The following RAPGEFL1 variants were observed in gnomAD, a reference collection of about 807,000 sequenced individuals.
RAPGEFL1 encodes the protein rap guanine nucleotide exchange factor-like 1.
RAPGEFL1 carries 31 observed loss-of-function variants against 64.4 expected under a neutral mutation model. That is an observed-to-expected ratio of 0.48 (90% CI 0.36 to 0.65). The LOEUF is 0.65. RAPGEFL1 is among the 30% of genes least tolerant of loss of function. The pLI is 0.00. For synonymous variants in RAPGEFL1, 331 were observed against 274.1 expected, an observed-to-expected ratio of 1.21 and a Z score of -2.05; for missense variants, 682 against 677.4, an observed-to-expected ratio of 1.01 and a Z score of -0.08.
In RAPGEFL1 at chr17:40,191,736, C is replaced by T; in HGVS notation, c.1605+64C>T. ...CATCCCGGGCTCCCCGAAGTGCGTC[C>T]TCCCGGGACGGCCGCCGGCCTGGAG... On this transcript the variant is annotated intron_variant, in intron 10 of 14. Coordinates refer to ENST00000620260, the MANE Select transcript of RAPGEFL1 (RefSeq NM_016339.6). The surrounding 1 kb of genome is among the most constrained non-coding windows in gnomAD (Gnocchi z 5.1). 1.3e-6 allele frequency: 2 copies of T among 1,508,578 alleles called. No individual in the cohort carries two copies. The highest frequency in any genetic ancestry group is 1.8e-6 in the Non-Finnish European group (2 of 1,103,358). 93.4% of individuals were successfully genotyped at this position (1,508,578 alleles called of 1,614,324 possible).
intron 14 of RAPGEFL1, 23 bp from the exon 15 acceptor site, chr17:40,193,641 G>C: frequency 6.2e-7 from 1 of 1,613,944 alleles, no homozygotes. Flanking sequence ...GAACCTGACT[G>C]CCTCTCCCTC....
Position 40,191,322 on chromosome 17 carries a change from T to G in RAPGEFL1, c.1342T>G (p.Phe448Val), listed in dbSNP as rs749072821. 6.3e-7 allele frequency: 1 copy of G among 1,579,872 alleles called. No homozygotes were observed. The highest frequency in any genetic ancestry group is 1.8e-5 in the Admixed American group (1 of 56,404). ...TCCGCTGCCGTGGGTGCAGCTGGAG[T>G]TCGTGGACTACGTGTTCCACGGGGA... The part of the protein sequence containing the change: ...ELFRCVHELE[F>V]VDYVFHGERG... The change falls in exon 9 of 15, where the codon TTC becomes GTC. Residue 448 changes from phenylalanine (F) to valine (V), a missense_variant. Coordinates refer to ENST00000620260, the MANE Select transcript of RAPGEFL1 (RefSeq NM_016339.6). This position sits in a 1 kb window ranked among gnomAD's most constrained non-coding sequence, Gnocchi z 5.1.
upstream of RAPGEFL1, chr17:40,177,100 G>T (rs1989730974): frequency 2.8e-6 from 2 of 702,580 alleles, no homozygotes; most frequent in Non-Finnish European, 2.6e-6. Context: ...CTCACAGAAG[G>T]AAGATAAACT....
At chr17:40,189,060 C>A in intron 5 of RAPGEFL1, 82 bp downstream of exon 5, 1 of 1,477,902 alleles carries the variant, frequency 6.8e-7, no homozygotes, top group Non-Finnish European at 9.4e-7. Flanking sequence ...CCCTCAGTGG[C>A]ATCTCCCTGG....
intron 14 of RAPGEFL1, 55 bp from the exon 15 acceptor site, chr17:40,193,609 G>A (rs1429825551): frequency 2.5e-6 from 4 of 1,613,350 alleles, no homozygotes; most frequent in Non-Finnish European, 3.4e-6. Context: ...CGGTGTGTGT[G>A]TAGAGGAAGA....
rs759548606 is a variant in RAPGEFL1 at position 40,193,385 on chromosome 17, G to A, written c.1832G>A (p.Arg611Lys). 2 of 1,614,208 alleles carry A rather than the reference G, an allele frequency of 1.2e-6. No homozygotes were observed. Among genetic ancestry groups the A allele is most frequent in the East Asian group, 2.2e-5 (1 of 44,890 alleles). The change falls in exon 14 of 15, where the codon AGG becomes AAG. Residue 611 changes from arginine to lysine, a missense_variant. Arg to Lys is a conservative substitution (Grantham distance 26, BLOSUM62 2). Coordinates refer to ENST00000620260, the MANE Select transcript of RAPGEFL1 (RefSeq NM_016339.6). ...CAGCATTCAGTGGCCGAAAAAGTGA[G>A]GACAATCCGCAAATACCGGAGCCGG... Reference protein sequence around the residue: ...EKLHSVAEKVRTIRKYRSRPL... With the variant: ...EKLHSVAEKVKTIRKYRSRPL...
At position 40,194,248 on chromosome 17, in the gene RAPGEFL1, T is replaced by TGTGTGC. The variant is rs1990384729; in HGVS notation, c.*465_*466insCGTGTG. The stretch of plus-strand genomic sequence containing the variant: ...TTATGTTGCCGTGTGTGTGTGTGTG[T>TGTGTGC]GTGTGTGTGTGTGTGTGTGTGTGTG... On this transcript the variant is annotated 3_prime_UTR_variant, in exon 15 of 15. Transcript: ENST00000620260. 6.9e-6 allele frequency: 1 copy of TGTGTGC among 145,548 alleles called. No homozygotes were observed. Among genetic ancestry groups the TGTGTGC allele is most frequent in the African/African-American group, 2.8e-5 (1 of 36,288 alleles). 9.0% of individuals were successfully genotyped at this position (145,548 alleles called of 1,614,324 possible).
At chr17:40,179,287 C>A (rs956281865) in intron 1 of RAPGEFL1, among the ~76,000 whole-genome samples, 1 of 152,132 alleles carries the variant, frequency 6.6e-6, no homozygotes, top group Non-Finnish European at 1.5e-5. Flanking sequence ...AGGATGGTCT[C>A]GAACTCCTGA....
chr17:40,189,054 C>T, intron 5 of RAPGEFL1, 76 bp downstream of exon 5: 1 of 1,479,990 alleles, frequency 6.8e-7, no homozygotes, highest in South Asian at 1.1e-5. Context: ...TGAGCACCCT[C>T]AGTGGCATCT....
intron 4 of RAPGEFL1, among the ~76,000 whole-genome samples, chr17:40,188,295 T>C (rs548148357): frequency 6.6e-6 from 1 of 152,224 alleles, no homozygotes; most frequent in South Asian, 2.1e-4. Flanking sequence ...AGATCTTCCT[T>C]TTAGGAATAG....
Position 40,177,534 on chromosome 17 carries a change from T to G in RAPGEFL1, c.-328T>G. ...CCGCCGCCGCCGCGTCCTCTCAGCCTTGCGCTCCGCCCGCTGCCTCTGCCG... is the reference window on the plus strand; with the variant it reads ...CCGCCGCCGCCGCGTCCTCTCAGCCGTGCGCTCCGCCCGCTGCCTCTGCCG... On this transcript the variant is annotated 5_prime_UTR_variant, in exon 1 of 15. Coordinates refer to ENST00000620260, the MANE Select transcript of RAPGEFL1 (RefSeq NM_016339.6). The G allele has an allele frequency of 1.8e-6, 1 of 544,930 alleles. No individual in the cohort carries two copies. Among genetic ancestry groups the G allele is most frequent in the Non-Finnish European group, 3.2e-6 (1 of 310,786 alleles). 33.8% of individuals were successfully genotyped at this position (544,930 alleles called of 1,614,324 possible).
chr17:40,177,546 C>G lies in RAPGEFL1; in HGVS notation c.-316C>G, dbSNP rs1989747924. On this transcript the variant is annotated 5_prime_UTR_variant, in exon 1 of 15. Transcript: ENST00000620260. ...CGTCCTCTCAGCCTTGCGCTCCGCC[C>G]GCTGCCTCTGCCGCCGCAGCGCAGA... 2 of 520,822 alleles carry G rather than the reference C, an allele frequency of 3.8e-6. No individual in the cohort carries two copies. Among genetic ancestry groups the G allele is most frequent in the Non-Finnish European group, 6.7e-6 (2 of 298,396 alleles). The allele number at this position is 520,822 out of a possible 1,614,324, so 32.3% of individuals were successfully genotyped here.
In RAPGEFL1 at chr17:40,191,316, C is replaced by T; in HGVS notation, c.1336C>T (p.Leu446=). 1 of 1,576,452 alleles carries T rather than the reference C, an allele frequency of 6.3e-7. No individual in the cohort carries two copies. The highest frequency in any genetic ancestry group is 8.5e-7 in the Non-Finnish European group (1 of 1,170,584). Residue 446 remains leucine, a splice_region_variant and synonymous_variant, in exon 9 of 15, where the codon CTG becomes TTG. Coordinates refer to ENST00000620260, the MANE Select transcript of RAPGEFL1 (RefSeq NM_016339.6). The surrounding 1 kb of genome is among the most constrained non-coding windows in gnomAD (Gnocchi z 5.1). ...CGCCCCTCCGCTGCCGTGGGTGCAG[C>T]TGGAGTTCGTGGACTACGTGTTCCA... is the stretch of plus-strand genomic sequence containing the variant. ...HWELFRCVHE[L]EFVDYVFHGE...
At chr17:40,192,549 C>A in intron 11 of RAPGEFL1, 57 bp from the exon 12 acceptor site, 1 of 1,423,648 alleles carries the variant, frequency 7.0e-7, no homozygotes, top group South Asian at 1.2e-5. Flanking sequence ...AAGCTGAGGA[C>A]ATCTTTGGGA....
chr17:40,193,694 T>G lies in RAPGEFL1; in HGVS notation c.1895T>G (p.Leu632Arg). The G allele has an allele frequency of 1.2e-6, 2 of 1,614,084 alleles. No individual in the cohort carries two copies. The highest frequency in any genetic ancestry group is 1.7e-6 in the Non-Finnish European group (2 of 1,180,014). Residue 632 changes from leucine (L) to arginine (R), a missense_variant, in exon 15 of 15, where the codon CTG (leucine) becomes CGG (arginine). By Grantham distance (102) the Leu-to-Arg change is moderately radical (BLOSUM62 -2). Coordinates refer to ENST00000620260, the MANE Select transcript of RAPGEFL1 (RefSeq NM_016339.6). Reference protein sequence around the residue: ...CLDMEASPNHLQTKAYVRQFQ... With the variant: ...CLDMEASPNHRQTKAYVRQFQ... ...GACATGGAGGCATCCCCCAATCACC[T>G]GCAGACCAAGGCCTATGTGCGCCAG...
chr17:40,177,211 C>T (rs1186717103), upstream of RAPGEFL1: 1 of 702,500 alleles, frequency 1.4e-6, no homozygotes, highest in Non-Finnish European at 2.6e-6. Flanking sequence ...GTGTCCAGGC[C>T]ACAGACCTGT....
In RAPGEFL1 at chr17:40,177,527, C is replaced by G. The variant is rs1040520786; in HGVS notation, c.-335C>G. Reference sequence around the variant, plus strand: ...GCCGCCGCCGCCGCCGCCGCGTCCTCTCAGCCTTGCGCTCCGCCCGCTGCC... The same window carrying G: ...GCCGCCGCCGCCGCCGCCGCGTCCTGTCAGCCTTGCGCTCCGCCCGCTGCC... On this transcript the variant is annotated 5_prime_UTR_variant, in exon 1 of 15. Transcript: ENST00000620260. The G allele has an allele frequency of 5.1e-6, 3 of 586,162 alleles. No individual in the cohort carries two copies. The highest frequency in any genetic ancestry group is 6.0e-5 in the East Asian group (2 of 33,290). The allele number at this position is 586,162 out of a possible 1,614,324, so 36.3% of individuals were successfully genotyped here. A position where few individuals can be genotyped will look rare whatever the true frequency, so the allele number is the denominator to read the frequency against.
Position 40,189,320 on chromosome 17 carries a change from G to A in RAPGEFL1, c.1059G>A (p.Glu353=). 6.2e-7 allele frequency: 1 copy of A among 1,614,190 alleles called. No homozygotes were observed. Among genetic ancestry groups the A allele is most frequent in the African/African-American group, 1.3e-5 (1 of 75,046 alleles). The change falls in exon 6 of 15, where the codon GAG becomes GAA. Residue 353 remains glutamate, a synonymous_variant. Transcript: ENST00000620260. ...GSVTEKLQYS[E]EPAGREDSLI... ...TGACGGAGAAACTTCAATATTCAGA[G>A]GAGCCCGCGGGGCGTGAGGATTCCC...
Position 40,190,488 on chromosome 17 carries a change from A to G in RAPGEFL1, c.1169A>G (p.Asn390Ser). The change falls in exon 7 of 15, where the codon AAC becomes AGC. Residue 390 changes from asparagine to serine, a missense_variant. Physicochemically the swap from Asn to Ser is conservative, Grantham distance 46. Around this residue, in one of 2 missense-constraint regions of RAPGEFL1, gnomAD observed 411 missense variants for 519.4 expected, o/e 0.79. Transcript: ENST00000620260. ...TGTGTTTTCACCGCACTGGGCATCA[A>G]CAGCCACCTGTTTGCCTGTACTCGG... ...EDCVFTALGI[N>S]SHLFACTRDS... The G allele has an allele frequency of 1.2e-6, 2 of 1,614,180 alleles. No homozygotes were observed. The highest frequency in any genetic ancestry group is 2.2e-5 in the South Asian group (2 of 91,084).
Sources: allele counts gnomAD v4.1 joint callset (sites outside exome capture counted in the v4.1 genomes callset), GRCh38; gene constraint gnomAD v4.1.1; regional missense constraint gnomAD v4.1.1; non-coding constraint Gnocchi (gnomAD v3.1); transcripts MANE v1.5; gene names NCBI Gene and HGNC (gene_info 2026-07-23, HGNC 2026-07-21).